The following BTRC variants were observed in gnomAD, a reference collection of about 807,000 sequenced individuals.
BTRC encodes F-box/WD repeat-containing protein 1A.
Under a neutral mutation model 85.5 loss-of-function variants are expected in BTRC, and 42 were observed. That is an observed-to-expected ratio of 0.49 (90% CI 0.38 to 0.64). The LOEUF is 0.64. Among genes scored for constraint, BTRC ranks in the 30% least tolerant of loss-of-function variants. The probability of loss-of-function intolerance (pLI) is 0.00; values close to 1 mark genes in which losing one functional copy is unlikely to be tolerated. For missense variants in BTRC, 594 were observed against 743.5 expected (o/e 0.80, Z 2.34); for synonymous variants, 255 against 263.3 (o/e 0.97, Z 0.30).
Position 101,532,386 on chromosome 10 carries a change from A to G in BTRC, c.932A>G (p.Tyr311Cys). Residue 311 changes from tyrosine to cysteine, a missense_variant, in exon 8 of 15, where the codon TAT becomes TGT. By Grantham distance (194) the Tyr-to-Cys change is radical. Transcript: ENST00000370187. Reference protein sequence around the residue: ...ETSKGVYCLQYDDQKIVSGLR... With the variant: ...ETSKGVYCLQCDDQKIVSGLR... Reference sequence around the variant, plus strand: ...AGCAAAGGAGTTTACTGTTTACAGTATGATGATCAGAAAATAGTAAGCGGC... The same window carrying G: ...AGCAAAGGAGTTTACTGTTTACAGTGTGATGATCAGAAAATAGTAAGCGGC... The G allele has an allele frequency of 2.5e-6, 4 of 1,613,698 alleles. No individual in the cohort carries two copies. The South Asian group carries it at 4.4e-5, about 18-fold the overall frequency.
intron 4 of BTRC, among the ~76,000 whole-genome samples, chr10:101,490,381 G>A (rs1426177418): frequency 6.6e-6 from 1 of 152,158 alleles, no homozygotes; most frequent in African/African-American, 2.4e-5. Flanking sequence ...TGCTAGCTAT[G>A]TGTTACTTAT....
At chr10:101,411,789 A>G (rs1182075019) in intron 1 of BTRC, among the ~76,000 whole-genome samples, 1 of 151,776 alleles carries the variant, frequency 6.6e-6, no homozygotes, top group African/African-American at 2.4e-5. Flanking sequence ...CTTGTCTTGT[A>G]ATTTTAGATT....
intron 1 of BTRC, among the ~76,000 whole-genome samples, chr10:101,355,504 T>C (rs1327675536): frequency 6.6e-6 from 1 of 152,256 alleles, no homozygotes; most frequent in Non-Finnish European, 1.5e-5. Flanking sequence ...AACCAGACTT[T>C]GTGGTTACAA....
At chr10:101,366,646 G>A (rs989844033) in intron 1 of BTRC, among the ~76,000 whole-genome samples, 1 of 149,020 alleles carries the variant, frequency 6.7e-6, no homozygotes, top group Admixed American at 7.0e-5. Flanking sequence ...TTGGGTAAAG[G>A]CCAGGAGATC....
At chr10:101,372,126 A>C (rs1375669537) in intron 1 of BTRC, among the ~76,000 whole-genome samples, 7 of 152,080 alleles carry the variant, frequency 4.6e-5, no homozygotes, top group African/African-American at 1.7e-4. Context: ...TTGTGCCAAT[A>C]CCACACTGTC....
At chr10:101,448,541 T>C (rs1488322683) in intron 2 of BTRC, among the ~76,000 whole-genome samples, 1 of 152,126 alleles carries the variant, frequency 6.6e-6, no homozygotes, top group African/African-American at 2.4e-5. Context: ...CTCACTCAAA[T>C]TTTAAATCCT....
intron 2 of BTRC, among the ~76,000 whole-genome samples, chr10:101,459,919 C>T (rs1345795717): frequency 6.6e-6 from 1 of 152,046 alleles, no homozygotes; most frequent in African/African-American, 2.4e-5. Flanking sequence ...TGTGTATCAG[C>T]CCAAGTACCT....
At chr10:101,514,791 G>T (rs1266437567) in intron 4 of BTRC, among the ~76,000 whole-genome samples, 1 of 151,892 alleles carries the variant, frequency 6.6e-6, no homozygotes, top group African/African-American at 2.4e-5. Context: ...TTGAAAGTCA[G>T]TTGGCTGTAT....
At chr10:101,474,941 G>A (rs780762523) in intron 3 of BTRC, among the ~76,000 whole-genome samples, 2 of 152,072 alleles carry the variant, frequency 1.3e-5, no homozygotes, top group Non-Finnish European at 2.9e-5. Flanking sequence ...TACTGGAAGC[G>A]GAACTCTTTG....
At chr10:101,367,783 T>G (rs1218953174) in intron 1 of BTRC, among the ~76,000 whole-genome samples, 1 of 152,188 alleles carries the variant, frequency 6.6e-6, no homozygotes, top group Non-Finnish European at 1.5e-5. Flanking sequence ...GGAGGTGTGG[T>G]GTGTTTATTC....
At chr10:101,386,059 C>T (rs1943071055) in intron 1 of BTRC, among the ~76,000 whole-genome samples, 1 of 151,980 alleles carries the variant, frequency 6.6e-6, no homozygotes, top group Non-Finnish European at 1.5e-5. Context: ...AAAAATCCTC[C>T]CAGAACATCC....
chr10:101,422,750 G>A (rs1353835481), intron 1 of BTRC, among the ~76,000 whole-genome samples: 1 of 152,022 alleles, frequency 6.6e-6, no homozygotes, highest in Non-Finnish European at 1.5e-5. Flanking sequence ...TCTTGTTTTT[G>A]TCAGGTTTGT....
At chr10:101,366,080 A>G (rs944328235) in intron 1 of BTRC, among the ~76,000 whole-genome samples, 6 of 152,090 alleles carry the variant, frequency 3.9e-5, no homozygotes, top group African/African-American at 1.2e-4. Flanking sequence ...GGGGTTGTCA[A>G]TTTACACCAT....
At chr10:101,393,391 G>T (rs1943285845) in intron 1 of BTRC, among the ~76,000 whole-genome samples, 2 of 152,166 alleles carry the variant, frequency 1.3e-5, no homozygotes, top group Non-Finnish European at 1.5e-5. Flanking sequence ...TCAGTCAGAA[G>T]CTCCAGAGGC....
rs1415815397 is a variant in BTRC, at chr10:101,401,849, A to G, written c.49-28496A>G. Among the ~76,000 whole-genome samples the G allele has an allele frequency of 3.3e-5, 5 of 151,754 alleles. No homozygotes were observed. The South Asian group carries it at 8.3e-4, about 25-fold the overall frequency. ...CGAGACCTCATCTCAAAAAAAAAAAAAAAAAGAAAAAGAAAAACAATGTTT... is the reference window on the plus strand; with the variant it reads ...CGAGACCTCATCTCAAAAAAAAAAAGAAAAAGAAAAAGAAAAACAATGTTT... On this transcript the variant is annotated intron_variant, in intron 1 of 14. Transcript: ENST00000370187.
rs371000178 is a variant in BTRC at position 101,526,165 on chromosome 10, T to C, written c.709T>C (p.Ser237Pro). 6.2e-7 allele frequency: 1 copy of C among 1,613,994 alleles called. No individual in the cohort carries two copies. The highest frequency in any genetic ancestry group is 8.5e-7 in the Non-Finnish European group (1 of 1,179,990). The change falls in exon 6 of 15, where the codon TCT becomes CCT. Residue 237 changes from serine (S) to proline (P), a missense_variant. Ser to Pro is a moderately conservative substitution (Grantham distance 74, BLOSUM62 -1). Around this residue, in one of 4 missense-constraint regions of BTRC, gnomAD observed 373 missense variants for 503.6 expected, o/e 0.74. Transcript: ENST00000370187. ...TATCGAGAGAATGGTCAGGACAGAT[T>C]CTCTGTGGAGAGGCCTGGCAGAACG... ...KLIERMVRTD[S>P]LWRGLAERRG...
intron 1 of BTRC, among the ~76,000 whole-genome samples, chr10:101,426,956 G>C (rs1944267231): frequency 6.6e-6 from 1 of 151,876 alleles, no homozygotes; most frequent in African/African-American, 2.4e-5. Context: ...TCCTTTTCCT[G>C]TGTTTTCATG....
rs1212781732 is a variant in BTRC at position 101,366,767 on chromosome 10, TA to T, written c.48+12540del. Among the ~76,000 whole-genome samples, 17 of 29,180 alleles carry T rather than the reference TA, an allele frequency of 5.8e-4. 1 individual carries two copies. Among genetic ancestry groups the T allele is most frequent in the Admixed American group, 4.0e-3 (6 of 1,504 alleles). The allele number at this position is 29,180 out of a possible 152,430, so 19.1% of individuals were successfully genotyped here. On this transcript the variant is annotated intron_variant, in intron 1 of 14. Coordinates refer to ENST00000370187, the MANE Select transcript of BTRC (RefSeq NM_033637.4). ...CCAGGGAGTTTGGACTTAATCTAGT[TA>T]TATATATATATATATATATATTTTT...
At chr10:101,433,104 C>T (rs1944443056) in intron 2 of BTRC, among the ~76,000 whole-genome samples, 1 of 152,128 alleles carries the variant, frequency 6.6e-6, no homozygotes, top group Non-Finnish European at 1.5e-5. Context: ...GACCGCTTTC[C>T]AGTAGCCAAG....
Sources: allele counts gnomAD v4.1 joint callset (sites outside exome capture counted in the v4.1 genomes callset), GRCh38; gene constraint gnomAD v4.1.1; regional missense constraint gnomAD v4.1.1; transcripts MANE v1.5; gene names NCBI Gene and HGNC (gene_info 2026-07-23, HGNC 2026-07-21).